Variants in SLC45A4 observed in about 807,000 individuals in gnomAD.
The protein encoded by SLC45A4 is polyamine-transporter SLC45A4.
In SLC45A4, 32 loss-of-function variants were observed where a neutral mutation model predicts 63.7. The observed-to-expected ratio is 0.50, with a 90% confidence interval of 0.38 to 0.67. SLC45A4 has a LOEUF of 0.67. SLC45A4 is among the 30% of genes least tolerant of loss of function. The pLI is 0.00. For missense variants in SLC45A4, 1,027 were observed against 1,157.7 expected (o/e 0.89, Z 1.64); for synonymous variants, 535 against 510.0 (o/e 1.05, Z -0.66).
At chr8:141,244,641 C>T (rs972428284) in intron 2 of SLC45A4, among the ~76,000 whole-genome samples, 2 of 152,094 alleles carry the variant, frequency 1.3e-5, no homozygotes, top group Admixed American at 6.5e-5. Flanking sequence ...CCAGGCCAGG[C>T]GGATGTGAGC....
chr8:141,296,539 TA>T (rs34176241), intron 1 of SLC45A4, among the ~76,000 whole-genome samples: 7 of 129,348 alleles, frequency 5.4e-5, no homozygotes, highest in Admixed American at 3.9e-4. Context: ...AAATTAAAAT[TA>T]AAAAAAAAAA....
chr8:141,303,457 T>C (rs1362627959), intron 1 of SLC45A4, among the ~76,000 whole-genome samples: 3 of 152,222 alleles, frequency 2.0e-5, no homozygotes, highest in Non-Finnish European at 4.4e-5. Context: ...TTTCCTAAAA[T>C]TGTGCAATAA....
intron 3 of SLC45A4, 84 bp downstream of exon 3, chr8:141,221,493 C>A: frequency 6.8e-7 from 1 of 1,476,242 alleles, no homozygotes; most frequent in Non-Finnish European, 9.2e-7. Context: ...TATTCAACAC[C>A]ATTCAGCTTT....
At chr8:141,253,710 C>T (rs1189194783) in intron 2 of SLC45A4, among the ~76,000 whole-genome samples, 2 of 152,202 alleles carry the variant, frequency 1.3e-5, no homozygotes, top group Non-Finnish European at 2.9e-5. Flanking sequence ...GGCCGAGAGC[C>T]AGTACTTATC....
chr8:141,279,646 C>T (rs1052956765), intron 1 of SLC45A4, among the ~76,000 whole-genome samples: 3 of 152,084 alleles, frequency 2.0e-5, no homozygotes, highest in African/African-American at 4.8e-5. Flanking sequence ...TGGTGCATCG[C>T]GCACCCCTCC....
At chr8:141,263,370 T>C (rs187681017) in intron 1 of SLC45A4, among the ~76,000 whole-genome samples, 1 of 149,648 alleles carries the variant, frequency 6.7e-6, no homozygotes, top group Non-Finnish European at 1.5e-5. Flanking sequence ...ATAATAATAA[T>C]AAAATTTTAA....
At position 141,254,680 on chromosome 8, in the gene SLC45A4, A is replaced by G. The variant is rs930364322; in HGVS notation, c.-400-51T>C. 9 of 695,904 alleles carry G rather than the reference A, an allele frequency of 1.3e-5. No individual in the cohort carries two copies. Among genetic ancestry groups the G allele is most frequent in the Non-Finnish European group, 2.1e-5 (8 of 381,210 alleles). The allele number at this position is 695,904 out of a possible 1,614,324, so 43.1% of individuals were successfully genotyped here. On this transcript the variant is annotated intron_variant, in intron 1 of 8. Coordinates refer to ENST00000517878, the MANE Select transcript of SLC45A4 (RefSeq NM_001286646.2). This position sits in a 1 kb window ranked among gnomAD's most constrained non-coding sequence, Gnocchi z 4.5. ...CAGAGAGTCAGGGGACGGCCACCAGATGGCCCTGTGGACCGCCGCCCGACC... is the reference window on the plus strand; with the variant it reads ...CAGAGAGTCAGGGGACGGCCACCAGGTGGCCCTGTGGACCGCCGCCCGACC...
At chr8:141,221,444 C>T in intron 3 of SLC45A4, 133 bp downstream of exon 3, 1 of 1,192,074 alleles carries the variant, frequency 8.4e-7, no homozygotes, top group Non-Finnish European at 1.2e-6. Flanking sequence ...CCAGGGTGGC[C>T]CCGGCAGCCC....
chr8:141,280,860 C>T (rs1054647480), intron 1 of SLC45A4, among the ~76,000 whole-genome samples: 1 of 152,360 alleles, frequency 6.6e-6, no homozygotes, highest in African/African-American at 2.4e-5. Flanking sequence ...TGTCTTAGCA[C>T]GACCTTGCTT....
rs1276086531 is a variant in SLC45A4 at position 141,217,147 on chromosome 8, C to T, written c.1672G>A (p.Val558Ile). 1.2e-6 allele frequency: 2 copies of T among 1,614,002 alleles called. No homozygotes were observed. The highest frequency in any genetic ancestry group is 1.7e-6 in the Non-Finnish European group (2 of 1,180,012). ...ACCAGGCCCCAGCAGCCCATCTTGA[C>T]CCCGGCGTTGTAGGCTTGCCAGGCG... ...STAWQAYNAG[V>I]KMGCWGLVIY... The change falls in exon 6 of 9, where the codon GTC (valine) becomes ATC (isoleucine). Residue 558 changes from valine (V) to isoleucine (I), a missense_variant. Coordinates refer to ENST00000517878, the MANE Select transcript of SLC45A4 (RefSeq NM_001286646.2).
intron 2 of SLC45A4, among the ~76,000 whole-genome samples, chr8:141,250,401 G>GC (rs1555572840): frequency 1.4e-5 from 2 of 143,730 alleles, no homozygotes; most frequent in Admixed American, 1.4e-4. Context: ...GGTGTGAGTG[G>GC]TTTTTTTTTT....
Position 141,275,644 on chromosome 8 carries a change from C to A in SLC45A4, c.-400-21015G>T, listed in dbSNP as rs182841671. 5.9e-5 allele frequency among the ~76,000 whole-genome samples: 9 copies of A among 151,704 alleles called. No individual in the cohort carries two copies. In the South Asian group the frequency reaches 1.9e-3, roughly 32 times the overall value. On this transcript the variant is annotated intron_variant, in intron 1 of 8. Coordinates refer to ENST00000517878, the MANE Select transcript of SLC45A4 (RefSeq NM_001286646.2). Reference sequence around the variant, plus strand: ...AAACAACAACAACCATGAAACACTACAGAGCAATGCTTATTACACCACTAA... The same window carrying A: ...AAACAACAACAACCATGAAACACTAAAGAGCAATGCTTATTACACCACTAA...
In SLC45A4 at chr8:141,211,410, T is replaced by G; in HGVS notation, c.*162A>C. The G allele has an allele frequency of 6.5e-7, 1 of 1,542,610 alleles. No homozygotes were observed. The highest frequency in any genetic ancestry group is 8.7e-7 in the Non-Finnish European group (1 of 1,146,784). On this transcript the variant is annotated 3_prime_UTR_variant, in exon 9 of 9. Transcript: ENST00000517878. ...CCCCAGGTGGTGCCCAGCCCATCCC[T>G]GGGCAGGGTGTCTGGGAGCCACCCC...
chr8:141,259,892 T>A (rs1828978400), intron 1 of SLC45A4, among the ~76,000 whole-genome samples: 1 of 152,202 alleles, frequency 6.6e-6, no homozygotes, highest in Non-Finnish European at 1.5e-5. Context: ...AATGAATGAA[T>A]AAGGCTGATC....
Position 141,256,223 on chromosome 8 carries a change from C to CT in SLC45A4, c.-400-1595dup. On this transcript the variant is annotated intron_variant, in intron 1 of 8. Transcript: ENST00000517878. The surrounding 1 kb of genome is among the most constrained non-coding windows in gnomAD (Gnocchi z 4.3). The stretch of plus-strand genomic sequence containing the variant: ...GTGGAACACCCCAAGTTCAGGACTT[C>CT]TGGAGTTAGGTCTCCAGACATGGGG... Among the ~76,000 whole-genome samples, 1 of 152,332 alleles carries CT rather than the reference C, an allele frequency of 6.6e-6. No homozygotes were observed. Among genetic ancestry groups the CT allele is most frequent in the Admixed American group, 6.5e-5 (1 of 15,304 alleles).
intron 1 of SLC45A4, among the ~76,000 whole-genome samples, chr8:141,259,604 C>A (rs1828969078): frequency 6.6e-6 from 1 of 152,182 alleles, no homozygotes; most frequent in Non-Finnish European, 1.5e-5. Context: ...TTTAGAGACT[C>A]TTCTCAGGGC....
In SLC45A4 at chr8:141,254,124, A is replaced by G. The variant is rs1226038433; in HGVS notation, c.106T>C (p.Cys36Arg). The G allele has an allele frequency of 3.9e-6, 6 of 1,536,072 alleles. No homozygotes were observed. Among genetic ancestry groups the G allele is most frequent in the African/African-American group, 1.4e-5 (1 of 73,064 alleles). ...QKAGGAEAEN[C>R]ETISEGSIDR... ...ATGGACCCCTCGCTGATGGTCTCGC[A>G]GTTCTCGGCCTCTGCGCCTCCGGCT... The change falls in exon 2 of 9, where the codon TGC (cysteine) becomes CGC (arginine). Residue 36 changes from cysteine (C) to arginine (R), a missense_variant. By Grantham distance (180) the Cys-to-Arg change is radical (BLOSUM62 -3). Coordinates refer to ENST00000517878, the MANE Select transcript of SLC45A4 (RefSeq NM_001286646.2). This position sits in a 1 kb window ranked among gnomAD's most constrained non-coding sequence, Gnocchi z 4.5.
At chr8:141,263,391 A>T (rs78000329) in intron 1 of SLC45A4, among the ~76,000 whole-genome samples, 2 of 62,142 alleles carry the variant, frequency 3.2e-5, no homozygotes, top group Admixed American at 1.7e-4. Flanking sequence ...AAAAAGAAGA[A>T]GAAAAAAGAA....
chr8:141,307,953 C>CGGGGCT (rs1830952949), intron 1 of SLC45A4, 143 bp downstream of exon 1: 1 of 114,712 alleles, frequency 8.7e-6, no homozygotes, highest in Non-Finnish European at 1.8e-5. Flanking sequence ...GGAGAAGGTG[C>CGGGGCT]GGGGCTGGGG....
Sources: allele counts gnomAD v4.1 joint callset (sites outside exome capture counted in the v4.1 genomes callset), GRCh38; gene constraint gnomAD v4.1.1; non-coding constraint Gnocchi (gnomAD v3.1); transcripts MANE v1.5; gene names NCBI Gene and HGNC (gene_info 2026-07-23, HGNC 2026-07-21).